The following LDB2 variants were observed in gnomAD, a reference collection of about 807,000 sequenced individuals.
LDB2 encodes the protein LIM domain-binding protein 2.
Under a neutral mutation model 44.3 loss-of-function variants are expected in LDB2, and 12 were observed. The observed-to-expected ratio is 0.27, with a 90% CI of 0.17 to 0.44. The LOEUF is 0.44. Among genes scored for constraint, LDB2 ranks in the 20% least tolerant of loss-of-function variants. The pLI, the probability that LDB2 is intolerant of heterozygous loss-of-function variation, is 1.00. For synonymous variants in LDB2, 164 were observed against 174.8 expected (o/e 0.94, Z 0.49); for missense variants, 344 against 473.5 (o/e 0.73, Z 2.54).
At chr4:16,704,526 C>A (rs995229216) in intron 2 of LDB2, among the ~76,000 whole-genome samples, 3 of 152,178 alleles carry the variant, frequency 2.0e-5, no homozygotes, top group Non-Finnish European at 4.4e-5. Context: ...TTTTCCCATT[C>A]ACACCCACAC....
intron 2 of LDB2, among the ~76,000 whole-genome samples, chr4:16,624,447 T>C (rs1475829538): frequency 6.6e-6 from 1 of 152,158 alleles, no homozygotes; most frequent in East Asian, 1.9e-4. Flanking sequence ...AAAAAATATA[T>C]AAAATGTTGG....
chr4:16,823,526 C>T (rs371020924), intron 1 of LDB2, among the ~76,000 whole-genome samples: 10 of 152,008 alleles, frequency 6.6e-5, no homozygotes, highest in South Asian at 2.1e-4. Flanking sequence ...GCACTAAATG[C>T]GAAAACATCC....
intron 2 of LDB2, among the ~76,000 whole-genome samples, chr4:16,675,651 T>A (rs770325009): frequency 6.6e-6 from 1 of 152,178 alleles, no homozygotes; most frequent in African/African-American, 2.4e-5. Flanking sequence ...TGGTGCTTAT[T>A]ATGTTGGCCT....
At chr4:16,757,888 C>T (rs907880591) in intron 2 of LDB2, among the ~76,000 whole-genome samples, 5 of 152,062 alleles carry the variant, frequency 3.3e-5, no homozygotes, top group African/African-American at 1.2e-4. Context: ...TATAAAGGTG[C>T]TCTAAACAGC....
At chr4:16,790,446 G>T (rs1775461294) in intron 1 of LDB2, among the ~76,000 whole-genome samples, 1 of 152,094 alleles carries the variant, frequency 6.6e-6, no homozygotes, top group Non-Finnish European at 1.5e-5. Context: ...CAGCAATGCA[G>T]CATGAGTAGA....
intron 1 of LDB2, among the ~76,000 whole-genome samples, chr4:16,791,216 A>T (rs1029773962): frequency 1.3e-5 from 2 of 152,220 alleles, no homozygotes; most frequent in Admixed American, 1.3e-4. Context: ...CAAACCTAAA[A>T]GGGGATTGTC....
At chr4:16,648,313 A>G (rs899171794) in intron 2 of LDB2, among the ~76,000 whole-genome samples, 28 of 152,288 alleles carry the variant, frequency 1.8e-4, no homozygotes, top group African/African-American at 6.7e-4. Flanking sequence ...GACGGTGTCA[A>G]CCAGATCTGA....
intron 5 of LDB2, among the ~76,000 whole-genome samples, chr4:16,534,815 C>T (rs1285866686): frequency 2.0e-5 from 3 of 152,170 alleles, no homozygotes; most frequent in Non-Finnish European, 4.4e-5. Flanking sequence ...TCTATCTGGA[C>T]GCTACACTTT....
intron 7 of LDB2, chr4:16,506,288 C>G (rs1433172166): frequency 3.5e-6 from 1 of 285,044 alleles, no homozygotes; most frequent in Non-Finnish European, 6.5e-6. Context: ...CTTTCTGCCT[C>G]TCTGTAACAT....
chr4:16,614,601 A>T (rs1726666129), intron 2 of LDB2, among the ~76,000 whole-genome samples: 1 of 150,440 alleles, frequency 6.6e-6, no homozygotes, highest in Admixed American at 6.6e-5. Context: ...AAAAAAAAAA[A>T]CAAGCAACCC....
intron 2 of LDB2, among the ~76,000 whole-genome samples, chr4:16,690,684 G>C (rs1447057822): frequency 6.6e-6 from 1 of 152,070 alleles, no homozygotes; most frequent in Non-Finnish European, 1.5e-5. Flanking sequence ...ACAACCCTCA[G>C]GCTCAACAGA....
intron 2 of LDB2, among the ~76,000 whole-genome samples, chr4:16,712,762 G>C (rs1756198133): frequency 6.6e-6 from 1 of 152,180 alleles, no homozygotes; most frequent in South Asian, 2.1e-4. Flanking sequence ...TAGTGGGAAT[G>C]TAAAATGGTG....
chr4:16,759,268 G>A lies in LDB2; in HGVS notation c.133-8C>T. On this transcript the variant is annotated splice_region_variant and splice_polypyrimidine_tract_variant and intron_variant, in intron 1 of 7. Transcript: ENST00000304523. ...CCAGAGGTTGTCACTATCCTGCAAAGAGACAGATCATTTATTTAACAAGGG... is the reference window on the plus strand; with the variant it reads ...CCAGAGGTTGTCACTATCCTGCAAAAAGACAGATCATTTATTTAACAAGGG... 6.4e-7 allele frequency: 1 copy of A among 1,573,976 alleles called. No homozygotes were observed. The highest frequency in any genetic ancestry group is 1.3e-5 in the African/African-American group (1 of 74,164).
chr4:16,830,118 A>G (rs1030365276), intron 1 of LDB2, among the ~76,000 whole-genome samples: 56 of 152,044 alleles, frequency 3.7e-4, no homozygotes, highest in African/African-American at 1.3e-3. Flanking sequence ...TCAAAAAGAA[A>G]AAAAAGAAGA....
intron 2 of LDB2, among the ~76,000 whole-genome samples, chr4:16,757,790 G>A (rs1766983618): frequency 6.6e-6 from 1 of 152,162 alleles, no homozygotes; most frequent in African/African-American, 2.4e-5. Context: ...CTGCTTGGGG[G>A]CACCCACACA....
chr4:16,848,116 CT>C (rs1251352096), intron 1 of LDB2, among the ~76,000 whole-genome samples: 1 of 152,112 alleles, frequency 6.6e-6, no homozygotes, highest in Non-Finnish European at 1.5e-5. Flanking sequence ...CTACTTGTCT[CT>C]GTTTTTCTTA....
chr4:16,838,624 A>G (rs11946266), intron 1 of LDB2, among the ~76,000 whole-genome samples: 1,920 of 152,316 alleles, frequency 0.013, 44 homozygotes, highest in African/African-American at 0.043. Context: ...TCTGGAGAAC[A>G]CAGTGGAAGA....
intron 2 of LDB2, among the ~76,000 whole-genome samples, chr4:16,647,634 G>A (rs570531011): frequency 4.5e-4 from 69 of 152,152 alleles, no homozygotes; most frequent in African/African-American, 1.3e-3. Context: ...AAGTTCTCAG[G>A]ATGAAATCCA....
intron 1 of LDB2, among the ~76,000 whole-genome samples, chr4:16,789,946 C>A (rs1039968136): frequency 1.3e-5 from 2 of 152,134 alleles, no homozygotes; most frequent in Non-Finnish European, 2.9e-5. Flanking sequence ...CAAAAACAAA[C>A]AAACAAAAAC....
Sources: gnomAD v4.1 joint callset for allele counts (sites outside exome capture counted in the v4.1 genomes callset) on GRCh38, gnomAD v4.1.1 for gene constraint, MANE v1.5 for transcripts, NCBI Gene and HGNC (gene_info 2026-07-23, HGNC 2026-07-21) for gene names.